TMEM163: variants seen among roughly 807,000 people sequenced by gnomAD.
The protein encoded by TMEM163 is transmembrane protein 163.
A neutral mutation model predicts 29.3 loss-of-function variants in TMEM163; 17 were observed. The ratio of observed to expected loss-of-function variants is 0.58; its 90% CI spans 0.40 to 0.87. The LOEUF (loss-of-function observed/expected upper bound fraction) is 0.87. Among genes scored for constraint, TMEM163 ranks in the 40% least tolerant of loss-of-function variants. The probability of loss-of-function intolerance (pLI) is 0.00; values close to 1 mark genes in which losing one functional copy is unlikely to be tolerated. For synonymous variants in TMEM163, 157 were observed against 160.6 expected (o/e 0.98, Z 0.17); for missense variants, 303 against 381.5 (o/e 0.79, Z 1.71).
chr2:134,457,880 CTT>C, intron 7 of TMEM163, 150 bp downstream of exon 7: 1 of 1,293,550 alleles, frequency 7.7e-7, no homozygotes, highest in East Asian at 2.3e-5. Flanking sequence ...CTGCTGGGTG[CTT>C]TTCCAGTCAC....
chr2:134,641,430 A>G (rs1172182714), intron 2 of TMEM163, among the ~76,000 whole-genome samples: 2 of 152,220 alleles, frequency 1.3e-5, no homozygotes, highest in South Asian at 2.1e-4. Flanking sequence ...CTGAGCATAG[A>G]AAAAGATTTC....
At chr2:134,476,200 T>C (rs1686908739) in intron 5 of TMEM163, among the ~76,000 whole-genome samples, 1 of 152,192 alleles carries the variant, frequency 6.6e-6, no homozygotes, top group Non-Finnish European at 1.5e-5. Flanking sequence ...TCAAAAGCAT[T>C]ATGCTAAATA....
chr2:134,616,646 G>A (rs756309534), intron 2 of TMEM163, among the ~76,000 whole-genome samples: 84 of 151,888 alleles, frequency 5.5e-4, no homozygotes, highest in African/African-American at 1.5e-4. Flanking sequence ...CCATTTTTCC[G>A]CAAACCCTTT....
chr2:134,618,417 A>G (rs1682659002), intron 2 of TMEM163, among the ~76,000 whole-genome samples: 1 of 152,238 alleles, frequency 6.6e-6, no homozygotes, highest in East Asian at 1.9e-4. Context: ...AGTCAAAACT[A>G]ACAGAATTAA....
chr2:134,565,060 A>T (rs745422045), intron 2 of TMEM163, among the ~76,000 whole-genome samples: 2 of 151,878 alleles, frequency 1.3e-5, no homozygotes, highest in Non-Finnish European at 2.9e-5. Context: ...CAACATAGTG[A>T]AACCTGATCT....
At position 134,460,756 on chromosome 2, in the gene TMEM163, C is replaced by G. The variant is rs58731285; in HGVS notation, c.668-2583G>C. On this transcript the variant is annotated intron_variant, in intron 6 of 7. Coordinates refer to ENST00000281924, the MANE Select transcript of TMEM163 (RefSeq NM_030923.5). This position sits in a 1 kb window ranked among gnomAD's most constrained non-coding sequence, Gnocchi z 4.3. ...AGTCACCCGCTCTGCCAGCCAGCAC[C>G]AAGGCCGGCCCAGCTTGCTATTCCT... 6.6e-6 allele frequency among the ~76,000 whole-genome samples: 1 copy of G among 152,186 alleles called. No homozygotes were observed. Among genetic ancestry groups the G allele is most frequent in the Non-Finnish European group, 1.5e-5 (1 of 68,036 alleles).
At chr2:134,692,588 G>A (rs575799285) in intron 2 of TMEM163, among the ~76,000 whole-genome samples, 64 of 152,250 alleles carry the variant, frequency 4.2e-4, no homozygotes, top group Non-Finnish European at 7.1e-4. Flanking sequence ...GTCTGGGGAG[G>A]GCTCCCCGTG....
chr2:134,618,031 T>C (rs1488826792), intron 2 of TMEM163, among the ~76,000 whole-genome samples: 1 of 152,092 alleles, frequency 6.6e-6, no homozygotes, highest in East Asian at 1.9e-4. Flanking sequence ...GGAGGATCAC[T>C]TGAGCCCAGG....
intron 4 of TMEM163, among the ~76,000 whole-genome samples, chr2:134,515,307 T>A (rs1574196736): frequency 6.6e-6 from 1 of 152,128 alleles, no homozygotes; most frequent in Non-Finnish European, 1.5e-5. Flanking sequence ...GTCTGAAGCA[T>A]CCAGCCACTC....
At chr2:134,572,654 C>T (rs1681459465) in intron 2 of TMEM163, among the ~76,000 whole-genome samples, 1 of 152,156 alleles carries the variant, frequency 6.6e-6, no homozygotes, top group Admixed American at 6.5e-5. Context: ...GGCCAGAATC[C>T]TCCCCACTTG....
intron 2 of TMEM163, among the ~76,000 whole-genome samples, chr2:134,595,617 T>C (rs1574266531): frequency 6.6e-6 from 1 of 152,220 alleles, no homozygotes; most frequent in East Asian, 1.9e-4. Flanking sequence ...TTATAACGCT[T>C]TAGGTATATA....
intron 2 of TMEM163, among the ~76,000 whole-genome samples, chr2:134,599,190 T>G (rs1410897557): frequency 6.6e-6 from 1 of 152,124 alleles, no homozygotes; most frequent in African/African-American, 2.4e-5. Flanking sequence ...CTACACACTC[T>G]GCATATGGTT....
chr2:134,543,794 G>A (rs1232075565), intron 4 of TMEM163, among the ~76,000 whole-genome samples: 1 of 152,136 alleles, frequency 6.6e-6, no homozygotes, highest in East Asian at 1.9e-4. Flanking sequence ...GGTGAGAACC[G>A]GTGGGCCTGT....
At chr2:134,597,751 T>C (rs539882714) in intron 2 of TMEM163, among the ~76,000 whole-genome samples, 3 of 152,204 alleles carry the variant, frequency 2.0e-5, no homozygotes, top group Admixed American at 1.3e-4. Context: ...TCCTGGACTT[T>C]TTTTCGTTGG....
intron 2 of TMEM163, among the ~76,000 whole-genome samples, chr2:134,702,188 AC>A (rs918191736): frequency 3.3e-5 from 5 of 152,352 alleles, no homozygotes; most frequent in African/African-American, 1.2e-4. Flanking sequence ...CCTATTTTTA[AC>A]AAGAACAGAC....
chr2:134,636,809 T>A (rs886382350), intron 2 of TMEM163, among the ~76,000 whole-genome samples: 8 of 152,238 alleles, frequency 5.3e-5, no homozygotes, highest in Admixed American at 5.2e-4. Context: ...ATTTTGCAGA[T>A]TCTGCACTTG....
chr2:134,677,106 A>G (rs139588147), intron 2 of TMEM163, among the ~76,000 whole-genome samples: 404 of 152,234 alleles, frequency 2.7e-3, no homozygotes, highest in African/African-American at 9.5e-3. Context: ...GATGCTCCAA[A>G]TCAAAGCAGG....
At chr2:134,551,834 T>C (rs1680935392) in intron 3 of TMEM163, among the ~76,000 whole-genome samples, 1 of 152,192 alleles carries the variant, frequency 6.6e-6, no homozygotes, top group Middle Eastern at 3.2e-3. Context: ...GGAAATGTGG[T>C]TCCCCCCAAT....
chr2:134,458,133 A>G lies in TMEM163; in HGVS notation c.708T>C (p.Ile236=). Reference sequence around the variant, plus strand: ...GCTTGAACACTTCCGCGCTCAGAAGAATGGAGAAGCCCATCACGCCACCCA... The same window carrying G: ...GCTTGAACACTTCCGCGCTCAGAAGGATGGAGAAGCCCATCACGCCACCCA... ...SLVGGVMGFS[I]LLSAEVFKHD... is the part of the protein sequence containing the mutation. Residue 236 remains isoleucine, a synonymous_variant, in exon 7 of 8, where the codon ATT becomes ATC. Transcript: ENST00000281924. 3 of 1,614,122 alleles carry G rather than the reference A, an allele frequency of 1.9e-6. No individual in the cohort carries two copies. Among genetic ancestry groups the G allele is most frequent in the Non-Finnish European group, 2.5e-6 (3 of 1,180,014 alleles).
Sources: gnomAD v4.1 joint callset for allele counts (sites outside exome capture counted in the v4.1 genomes callset) on GRCh38, gnomAD v4.1.1 for gene constraint, Gnocchi (gnomAD v3.1) non-coding constraint, MANE v1.5 for transcripts, NCBI Gene and HGNC (gene_info 2026-07-23, HGNC 2026-07-21) for gene names.